HAUS2: variants seen among roughly 807,000 people sequenced by gnomAD.
The protein encoded by HAUS2 is HAUS augmin-like complex subunit 2.
A neutral mutation model predicts 21.6 loss-of-function variants in HAUS2; 20 were observed. That is an observed-to-expected ratio of 0.93 (90% CI 0.65 to 1.35). The LOEUF (loss-of-function observed/expected upper bound fraction) is 1.35. HAUS2 is among the 40% of genes most tolerant of loss of function. The pLI, the probability that HAUS2 is intolerant of heterozygous loss-of-function variation, is 0.00. For synonymous variants in HAUS2, 113 were observed against 95.6 expected, an observed-to-expected ratio of 1.18 and a Z score of -1.06; for missense variants, 297 against 280.7, an observed-to-expected ratio of 1.06 and a Z score of -0.42.
chr15:42,554,194 G>A (rs2057750598), intron 1 of HAUS2, among the ~76,000 whole-genome samples: 2 of 152,004 alleles, frequency 1.3e-5, no homozygotes, highest in Non-Finnish European at 2.9e-5. Flanking sequence ...CTGGAATACT[G>A]TAGCAGCCAC....
At chr15:42,549,765 CA>C (rs58614126) in intron 1 of HAUS2, among the ~76,000 whole-genome samples, 264 of 58,114 alleles carry the variant, frequency 4.5e-3, no homozygotes, top group Middle Eastern at 0.016. Context: ...TCTTTAAAGG[CA>C]AAAAAAAAAA....
chr15:42,549,096 C>A lies in HAUS2; in HGVS notation c.93+131C>A, dbSNP rs1183887633. ...GGTCTGTACTAGAGTAATAAGAGCC[C>A]CTTCCAGGCAACAGCCGCGAACGTT... is the stretch of plus-strand genomic sequence containing the variant. On this transcript the variant is annotated intron_variant, in intron 1 of 5. Transcript: ENST00000260372. 1.9e-5 allele frequency: 11 copies of A among 591,684 alleles called. No individual in the cohort carries two copies. The East Asian group carries it at 3.2e-4, about 17-fold the overall frequency. The allele number at this position is 591,684 out of a possible 1,614,324, so 36.7% of individuals were successfully genotyped here.
At chr15:42,563,990 G>C in intron 5 of HAUS2, 133 bp downstream of exon 5, 1 of 605,196 alleles carries the variant, frequency 1.7e-6, no homozygotes, top group Non-Finnish European at 3.0e-6. Context: ...TCTTGGCCTG[G>C]CATGGTAGTT....
intron 3 of HAUS2, among the ~76,000 whole-genome samples, chr15:42,559,992 A>G (rs1483134043): frequency 6.6e-6 from 1 of 151,982 alleles, no homozygotes; most frequent in Non-Finnish European, 1.5e-5. Context: ...TATCTCTACA[A>G]AAAAAATACA....
rs959274325 is a variant in HAUS2, at chr15:42,561,359, C to G, written c.346C>G (p.Pro116Ala). The change falls in exon 4 of 6, where the codon CCC (proline) becomes GCC (alanine). Residue 116 changes from proline to alanine, a missense_variant. Coordinates refer to ENST00000260372, the MANE Select transcript of HAUS2 (RefSeq NM_018097.3). ...KRSLRQRLLK[P>A]MCQENLPIEA... ...ATCCCTTAGGCAAAGACTGTTGAAACCCATGTGCCAGGAAAACTTACCTAT... is the reference window on the plus strand; with the variant it reads ...ATCCCTTAGGCAAAGACTGTTGAAAGCCATGTGCCAGGAAAACTTACCTAT... 1 of 1,599,664 alleles carries G rather than the reference C, an allele frequency of 6.3e-7. No homozygotes were observed. Among genetic ancestry groups the G allele is most frequent in the Non-Finnish European group, 8.6e-7 (1 of 1,166,968 alleles).
intron 1 of HAUS2, among the ~76,000 whole-genome samples, chr15:42,555,407 G>A (rs1284722383): frequency 6.6e-6 from 1 of 152,176 alleles, no homozygotes; most frequent in Non-Finnish European, 1.5e-5. Context: ...TGGGATTACA[G>A]GTGTGAGCCA....
rs2057921756 is a variant in HAUS2 at position 42,567,926 on chromosome 15, G to A, written c.*1110G>A. On this transcript the variant is annotated 3_prime_UTR_variant, in exon 6 of 6. Coordinates refer to ENST00000260372, the MANE Select transcript of HAUS2 (RefSeq NM_018097.3). ...AGCTACTCAGGAGGCTGAGGCAGGAGAATCACTTGAACCCAGGAGGCAGAG... is the reference window on the plus strand; with the variant it reads ...AGCTACTCAGGAGGCTGAGGCAGGAAAATCACTTGAACCCAGGAGGCAGAG... 6.6e-6 allele frequency: 1 copy of A among 150,724 alleles called. No individual in the cohort carries two copies. The highest frequency in any genetic ancestry group is 1.5e-5 in the Non-Finnish European group (1 of 67,902). 9.3% of individuals were successfully genotyped at this position (150,724 alleles called of 1,614,324 possible).
chr15:42,556,112 C>T (rs1406692247), intron 1 of HAUS2, among the ~76,000 whole-genome samples: 3 of 150,148 alleles, frequency 2.0e-5, no homozygotes, highest in African/African-American at 4.9e-5. Flanking sequence ...CCTGCCACCA[C>T]GCCTGGCTAA....
In HAUS2 at chr15:42,568,338, G is replaced by C. The variant is rs1044185172; in HGVS notation, c.*1522G>C. ...AGAACATGGTGCCAGCATCTAGTGA[G>C]GGTCTTGCCATGGCAGAAGGCACCA... is the stretch of plus-strand genomic sequence containing the variant. On this transcript the variant is annotated 3_prime_UTR_variant, in exon 6 of 6. Coordinates refer to ENST00000260372, the MANE Select transcript of HAUS2 (RefSeq NM_018097.3). 6.6e-6 allele frequency: 1 copy of C among 152,236 alleles called. No homozygotes were observed. Among genetic ancestry groups the C allele is most frequent in the Non-Finnish European group, 1.5e-5 (1 of 68,056 alleles). 9.4% of individuals were successfully genotyped at this position (152,236 alleles called of 1,614,324 possible).
At chr15:42,553,198 GC>G (rs1269281767) in intron 1 of HAUS2, among the ~76,000 whole-genome samples, 69 of 152,074 alleles carry the variant, frequency 4.5e-4, no homozygotes, top group African/African-American at 1.6e-3. Context: ...TGTTGGTCAG[GC>G]AGTTCTCGAA....
At chr15:42,555,207 C>T (rs1425705205) in intron 1 of HAUS2, among the ~76,000 whole-genome samples, 1 of 151,920 alleles carries the variant, frequency 6.6e-6, no homozygotes, top group Non-Finnish European at 1.5e-5. Context: ...AGGATGGTCT[C>T]GATCTCCTGA....
rs1023150441 is a variant in HAUS2, at chr15:42,560,772, T to A, written c.257-498T>A. 7 of 701,628 alleles carry A rather than the reference T, an allele frequency of 1.0e-5. No individual in the cohort carries two copies. In the African/African-American group the frequency reaches 1.2e-4, roughly 12 times the overall value. 43.5% of individuals were successfully genotyped at this position (701,628 alleles called of 1,614,324 possible). On this transcript the variant is annotated intron_variant, in intron 3 of 5. Coordinates refer to ENST00000260372, the MANE Select transcript of HAUS2 (RefSeq NM_018097.3). Reference sequence around the variant, plus strand: ...CCCAGCTAATTTTTGTTTTTTCAATTTTTTTGTAGAGATGAAGTCTTGCTA... The same window carrying A: ...CCCAGCTAATTTTTGTTTTTTCAATATTTTTGTAGAGATGAAGTCTTGCTA...
At chr15:42,556,902 C>T (rs189046835) in intron 1 of HAUS2, among the ~76,000 whole-genome samples, 1 of 151,288 alleles carries the variant, frequency 6.6e-6, no homozygotes, top group East Asian at 2.0e-4. Context: ...CCCAAAAACT[C>T]CCAGCTACTT....
chr15:42,563,723 G>T (rs1378202312), intron 4 of HAUS2, 26 bp from the exon 5 acceptor site: 7 of 1,101,970 alleles, frequency 6.4e-6, no homozygotes, highest in South Asian at 3.8e-5. Flanking sequence ...TTTAAAAAAT[G>T]GTTGACTTTT....
rs375497386 is a variant in HAUS2 at position 42,565,568 on chromosome 15, T to C, written c.499-1039T>C. Among the ~76,000 whole-genome samples the C allele has an allele frequency of 1.1e-4, 17 of 152,212 alleles. No homozygotes were observed. In the South Asian group the frequency reaches 2.1e-3, roughly 19 times the overall value. ...GAGAGTATCAACATCACTTGGAAGCTTGTTATAAATACAAAACTACAGACA... is the reference window on the plus strand; with the variant it reads ...GAGAGTATCAACATCACTTGGAAGCCTGTTATAAATACAAAACTACAGACA... On this transcript the variant is annotated intron_variant, in intron 5 of 5. Transcript: ENST00000260372.
Position 42,568,494 on chromosome 15 carries a change from C to G in HAUS2, c.*1678C>G, listed in dbSNP as rs2057928692. 6.6e-6 allele frequency: 1 copy of G among 152,244 alleles called. No individual in the cohort carries two copies. Among genetic ancestry groups the G allele is most frequent in the South Asian group, 2.1e-4 (1 of 4,836 alleles). The allele number at this position is 152,244 out of a possible 1,614,324, so 9.4% of individuals were successfully genotyped here. On this transcript the variant is annotated 3_prime_UTR_variant, in exon 6 of 6. Coordinates refer to ENST00000260372, the MANE Select transcript of HAUS2 (RefSeq NM_018097.3). ...CCTTACCTAATTACTTTTTAAAGGT[C>G]TCATAACACTTTTACAATGTCAATT...
At chr15:42,562,038 C>G (rs1438842014) in intron 4 of HAUS2, among the ~76,000 whole-genome samples, 1 of 151,578 alleles carries the variant, frequency 6.6e-6, no homozygotes, top group East Asian at 1.9e-4. Context: ...TAAAAATTAG[C>G]AACACATGAT....
chr15:42,556,261 CT>C (rs1200353279), intron 1 of HAUS2, among the ~76,000 whole-genome samples: 671 of 76,260 alleles, frequency 8.8e-3, no homozygotes, highest in African/African-American at 0.028. Flanking sequence ...TGCGCCCAGG[CT>C]TTTTTTTTTT....
chr15:42,559,181 C>T lies in HAUS2; in HGVS notation c.187-158C>T, dbSNP rs545649165. ...ACAGAGTCTCACTCTGTCACCCATA[C>T]TGGAGTGCAGTGGCACAATCTCGGC... On this transcript the variant is annotated intron_variant, in intron 2 of 5. Coordinates refer to ENST00000260372, the MANE Select transcript of HAUS2 (RefSeq NM_018097.3). 9.4e-5 allele frequency among the ~76,000 whole-genome samples: 14 copies of T among 148,482 alleles called. No individual in the cohort carries two copies. In the East Asian group the frequency reaches 2.9e-3, roughly 31 times the overall value.
Sources: gnomAD v4.1 joint callset for allele counts (sites outside exome capture counted in the v4.1 genomes callset) on GRCh38, gnomAD v4.1.1 for gene constraint, MANE v1.5 for transcripts, NCBI Gene and HGNC (gene_info 2026-07-23, HGNC 2026-07-21) for gene names.